The following GRIP1 variants were observed in gnomAD, a reference collection of about 807,000 sequenced individuals.
The protein encoded by GRIP1 is glutamate receptor-interacting protein 1.
GRIP1 carries 45 observed loss-of-function variants against 129.9 expected under a neutral mutation model. The observed-to-expected ratio is 0.35, with a 90% CI of 0.27 to 0.44. The LOEUF is 0.44. GRIP1 is among the 20% of genes least tolerant of loss of function. GRIP1 has a pLI of 1.00. For synonymous variants in GRIP1, 530 were observed against 520.8 expected (o/e 1.02, Z -0.24); for missense variants, 1,196 against 1,396.8 (o/e 0.86, Z 2.29).
At chr12:66,677,588 T>C (rs912972698) in intron 1 of GRIP1, among the ~76,000 whole-genome samples, 1 of 152,204 alleles carries the variant, frequency 6.6e-6, no homozygotes, top group African/African-American at 2.4e-5. Flanking sequence ...TACAGCCTCC[T>C]GCTAATAGCC....
upstream of GRIP1, among the ~76,000 whole-genome samples, chr12:66,806,611 C>T (rs1592864128): frequency 6.6e-6 from 1 of 152,012 alleles, no homozygotes; most frequent in Admixed American, 6.5e-5. Context: ...AAGAAGATCC[C>T]TTTTGCATAG....
At chr12:66,707,284 T>A (rs12813764) in intron 1 of GRIP1, among the ~76,000 whole-genome samples, 18,621 of 151,740 alleles carry the variant, frequency 0.12, 1,324 homozygotes, top group East Asian at 0.19. Context: ...CTTCCCATAA[T>A]TGGCCCTTAG....
chr12:66,692,235 C>T (rs1407272923), intron 1 of GRIP1, among the ~76,000 whole-genome samples: 1 of 152,184 alleles, frequency 6.6e-6, no homozygotes, highest in Non-Finnish European at 1.5e-5. Context: ...GTTGCAGCTG[C>T]AGATTAAAGT....
At chr12:66,680,664 AG>A (rs2034549834), upstream of GRIP1, among the ~76,000 whole-genome samples, 1 of 152,178 alleles carries the variant, frequency 6.6e-6, no homozygotes, top group Admixed American at 6.6e-5. Context: ...AATATACCTT[AG>A]TACTAGAGAA....
intron 24 of GRIP1, among the ~76,000 whole-genome samples, chr12:66,351,114 C>G (rs1158983454): frequency 6.6e-6 from 1 of 152,188 alleles, no homozygotes; most frequent in Non-Finnish European, 1.5e-5. Flanking sequence ...ACTAATTGTT[C>G]TATTGCCATA....
chr12:67,027,263 C>T (rs1486328209), intron 1 of GRIP1, among the ~76,000 whole-genome samples: 3 of 152,190 alleles, frequency 2.0e-5, no homozygotes, highest in Non-Finnish European at 4.4e-5. Flanking sequence ...TTTCCAAAAC[C>T]TCTGCCTGAT....
At chr12:66,983,875 C>T (rs537901016) in intron 1 of GRIP1, among the ~76,000 whole-genome samples, 1 of 152,232 alleles carries the variant, frequency 6.6e-6, no homozygotes, top group East Asian at 1.9e-4. Context: ...TGTTTTTGCA[C>T]AATGGCATAT....
intron 23 of GRIP1, among the ~76,000 whole-genome samples, chr12:66,357,000 CTGAG>C (rs2054520361): frequency 6.6e-6 from 1 of 152,146 alleles, no homozygotes; most frequent in Admixed American, 6.5e-5. Flanking sequence ...TCTCAGCCAC[CTGAG>C]TATCTGGGAT....
upstream of GRIP1, among the ~76,000 whole-genome samples, chr12:66,807,983 A>G (rs1592865409): frequency 6.6e-6 from 1 of 151,484 alleles, no homozygotes; most frequent in South Asian, 2.1e-4. Context: ...TCTTGGTTGT[A>G]TTATAATAGC....
chr12:66,770,097 CATG>C (rs766844995), intron 1 of GRIP1, among the ~76,000 whole-genome samples: 1 of 152,180 alleles, frequency 6.6e-6, no homozygotes, highest in Non-Finnish European at 1.5e-5. Context: ...AAGCCTACCT[CATG>C]GATTATTGAA....
intron 3 of GRIP1, among the ~76,000 whole-genome samples, chr12:66,541,390 CCATT>C (rs2061775739): frequency 6.6e-6 from 1 of 152,174 alleles, no homozygotes; most frequent in South Asian, 2.1e-4. Context: ...GTTAGGTCTC[CCATT>C]CTTTCTAGGG....
At chr12:66,873,990 A>C (rs2040340085) in intron 1 of GRIP1, among the ~76,000 whole-genome samples, 2 of 152,074 alleles carry the variant, frequency 1.3e-5, no homozygotes, top group Admixed American at 1.3e-4. Context: ...TCTGGCAAAA[A>C]CAAGTTCTGC....
chr12:66,878,767 T>C (rs979508728), intron 1 of GRIP1, among the ~76,000 whole-genome samples: 3 of 151,840 alleles, frequency 2.0e-5, no homozygotes, highest in Admixed American at 6.6e-5. Context: ...AAAGAATATA[T>C]AATATGTTAT....
At chr12:66,455,956 G>C (rs898504194) in intron 10 of GRIP1, among the ~76,000 whole-genome samples, 1 of 152,058 alleles carries the variant, frequency 6.6e-6, no homozygotes, top group Non-Finnish European at 1.5e-5. Flanking sequence ...ATAATATTCT[G>C]AATTGTTACT....
Position 66,920,093 on chromosome 12 carries a change from G to T in GRIP1, c.58+148957C>A, listed in dbSNP as rs1252509775. Among the ~76,000 whole-genome samples the T allele has an allele frequency of 2.0e-5, 3 of 152,096 alleles. No homozygotes were observed. The East Asian group carries it at 5.8e-4, about 29-fold the overall frequency. ...TAGGTTGTTAATAAATTTAGTTTTG[G>T]CAATAAGTCAATTTGAATAATAAAA... is the stretch of plus-strand genomic sequence containing the variant. On this transcript the variant is annotated intron_variant, in intron 1 of 1. Coordinates refer to the GRIP1 transcript ENST00000643019.
At chr12:66,555,231 T>A (rs2062283559) in intron 2 of GRIP1, among the ~76,000 whole-genome samples, 1 of 152,254 alleles carries the variant, frequency 6.6e-6, no homozygotes, top group Middle Eastern at 3.4e-3. Flanking sequence ...TGGGAGAAAG[T>A]ATGGCAAGAC....
At chr12:66,850,555 G>T (rs554015020) in intron 1 of GRIP1, among the ~76,000 whole-genome samples, 68 of 152,056 alleles carry the variant, frequency 4.5e-4, no homozygotes, top group African/African-American at 1.5e-3. Context: ...AAATGGGAAA[G>T]CCATGTAATA....
rs548855878 is a variant in GRIP1 at position 66,493,492 on chromosome 12, G to T, written c.724+22127C>A. ...CATCTGTTTTTTTGACTAGGTTTTA[G>T]ACAGCAAGGGTATTTGAAAGTGATA... On this transcript the variant is annotated intron_variant, in intron 7 of 24. Transcript: ENST00000359742. 1.6e-4 allele frequency among the ~76,000 whole-genome samples: 24 copies of T among 152,196 alleles called. 1 individual carries two copies. The highest frequency in any genetic ancestry group is 5.8e-4 in the African/African-American group (24 of 41,512).
At chr12:66,367,136 A>T (rs1488521149) in intron 23 of GRIP1, among the ~76,000 whole-genome samples, 2 of 152,216 alleles carry the variant, frequency 1.3e-5, no homozygotes, top group African/African-American at 4.8e-5. Context: ...TAAGCTTCAG[A>T]AGGGAAAGAA....
Sources: gnomAD v4.1 joint callset for allele counts (sites outside exome capture counted in the v4.1 genomes callset) on GRCh38, gnomAD v4.1.1 for gene constraint, MANE v1.5 for transcripts, NCBI Gene and HGNC (gene_info 2026-07-23, HGNC 2026-07-21) for gene names.